The following SGTB variants were observed in gnomAD, a reference collection of about 807,000 sequenced individuals.
SGTB encodes the protein small glutamine rich tetratricopeptide repeat co-chaperone beta, also known as small glutamine-rich tetratricopeptide repeat-containing protein beta.
SGTB carries 19 observed loss-of-function variants against 43.9 expected under a neutral mutation model. That is an observed-to-expected ratio of 0.43 (90% confidence interval 0.30 to 0.63). SGTB has a LOEUF of 0.63. Among genes scored for constraint, SGTB ranks in the 30% least tolerant of loss-of-function variants. SGTB has a pLI of 0.12. For missense variants in SGTB, 304 were observed against 358.9 expected (o/e 0.85, Z 1.24); for synonymous variants, 116 against 117.3 (o/e 0.99, Z 0.07).
intron 3 of SGTB, among the ~76,000 whole-genome samples, chr5:65,710,876 A>C (rs974318371): frequency 6.6e-6 from 1 of 151,850 alleles, no homozygotes; most frequent in African/African-American, 2.4e-5. Context: ...GGTGCCTGTA[A>C]TCCCAGCTAT....
intron 4 of SGTB, among the ~76,000 whole-genome samples, chr5:65,707,124 G>A (rs182417804): frequency 4.0e-5 from 6 of 151,618 alleles, no homozygotes; most frequent in African/African-American, 7.3e-5. Flanking sequence ...TTCACCAGGC[G>A]TGGTGGCACG....
intron 8 of SGTB, among the ~76,000 whole-genome samples, chr5:65,672,577 A>G (rs757683899): frequency 1.3e-5 from 2 of 152,200 alleles, no homozygotes; most frequent in Non-Finnish European, 2.9e-5. Flanking sequence ...GAAAAATAGG[A>G]ACTTTAAAAG....
chr5:65,671,397 T>G (rs1757150956), intron 10 of SGTB, among the ~76,000 whole-genome samples: 1 of 152,106 alleles, frequency 6.6e-6, no homozygotes, highest in Non-Finnish European at 1.5e-5. Flanking sequence ...GGACCCTAAT[T>G]TCATGCTGAC....
At chr5:65,717,554 C>T in intron 2 of SGTB, among the ~76,000 whole-genome samples, 1 of 150,390 alleles carries the variant, frequency 6.6e-6, no homozygotes, top group East Asian at 1.9e-4. Flanking sequence ...GGCAGGCAGG[C>T]CGAGTATGTG....
chr5:65,670,206 C>T lies in SGTB; in HGVS notation c.*40G>A. 1 of 1,568,420 alleles carries T rather than the reference C, an allele frequency of 6.4e-7. No individual in the cohort carries two copies. The highest frequency in any genetic ancestry group is 8.8e-7 in the Non-Finnish European group (1 of 1,139,228). On this transcript the variant is annotated 3_prime_UTR_variant, in exon 11 of 11. Transcript: ENST00000381007. Reference sequence around the variant, plus strand: ...CTACAACAAATACTTCATTCATAGCCATAAACCATTTGTATCTTGGGCTTG... The same window carrying T: ...CTACAACAAATACTTCATTCATAGCTATAAACCATTTGTATCTTGGGCTTG...
chr5:65,708,134 A>G (rs904850362), intron 4 of SGTB, among the ~76,000 whole-genome samples: 6 of 152,234 alleles, frequency 3.9e-5, no homozygotes, highest in Non-Finnish European at 5.9e-5. Flanking sequence ...AAAACACTAA[A>G]CATATGAAAG....
intron 5 of SGTB, among the ~76,000 whole-genome samples, chr5:65,697,108 GGCTACTGAGATATTTATA>G (rs1175575296): frequency 2.6e-5 from 4 of 152,146 alleles, no homozygotes; most frequent in African/African-American, 9.7e-5. Flanking sequence ...CAAGATTACA[GGCTACTGAGATATTTATA>G]GCTACTAGAG....
At chr5:65,722,328 C>T, upstream of SGTB, 1 of 1,503,864 alleles carries the variant, frequency 6.6e-7, no homozygotes, top group Non-Finnish European at 8.9e-7. Flanking sequence ...CGCCGCCCCA[C>T]GCCGAAGGAC....
At chr5:65,710,407 T>C (rs16894235) in intron 3 of SGTB, among the ~76,000 whole-genome samples, 28,697 of 152,180 alleles carry the variant, frequency 0.19, 3,313 homozygotes, top group South Asian at 0.31. Context: ...AAACTAATTA[T>C]CATATTCATT....
At chr5:65,722,281 T>C, upstream of SGTB, 2 of 1,010,230 alleles carry the variant, frequency 2.0e-6, no homozygotes, top group Non-Finnish European at 2.8e-6. Context: ...CTAGGCCGGC[T>C]CGAGACTCCC....
chr5:65,672,129 T>C, intron 9 of SGTB, 115 bp downstream of exon 9: 1 of 1,574,162 alleles, frequency 6.4e-7, no homozygotes, highest in East Asian at 2.2e-5. Flanking sequence ...GGCTTTAAGC[T>C]CCAACTGACT....
intron 5 of SGTB, among the ~76,000 whole-genome samples, chr5:65,694,545 G>T (rs566013230): frequency 1.3e-5 from 2 of 151,992 alleles, no homozygotes; most frequent in African/African-American, 4.8e-5. Context: ...ACGTGACTTC[G>T]GCTCACTGCA....
chr5:65,708,294 G>A (rs564870510), intron 4 of SGTB, among the ~76,000 whole-genome samples, 195 bp downstream of exon 4: 1 of 152,244 alleles, frequency 6.6e-6, no homozygotes, highest in South Asian at 2.1e-4. Context: ...GAAGCAAGCC[G>A]TAACTGTACT....
intron 2 of SGTB, among the ~76,000 whole-genome samples, chr5:65,714,175 C>A (rs1758104532): frequency 6.6e-6 from 1 of 151,830 alleles, no homozygotes; most frequent in African/African-American, 2.4e-5. Context: ...AGAACATAGC[C>A]CCCAGCACAT....
At chr5:65,676,675 C>G (rs951991477) in intron 8 of SGTB, among the ~76,000 whole-genome samples, 1 of 152,004 alleles carries the variant, frequency 6.6e-6, no homozygotes, top group Non-Finnish European at 1.5e-5. Context: ...AACCACACAA[C>G]TACATGGAAA....
intron 5 of SGTB, among the ~76,000 whole-genome samples, chr5:65,690,765 TA>T (rs1217650238): frequency 2.0e-5 from 3 of 152,160 alleles, no homozygotes; most frequent in African/African-American, 7.2e-5. Context: ...TCTCATCCTA[TA>T]GGGGATGGGT....
chr5:65,720,713 A>G lies in SGTB; in HGVS notation c.95T>C (p.Leu32Ser). ...CACAAAGAGCAGATGCATACCTTCC[A>G]AACTTTCTTGTTCATCCGAGGTGTA... The part of the protein sequence containing the change: ...DTYTSDEQES[L>S]EVAIQCLETV... Residue 32 changes from leucine to serine, a missense_variant, in exon 2 of 11, where the codon TTG (leucine) becomes TCG (serine). Physicochemically the swap from Leu to Ser is moderately radical, Grantham distance 145. Transcript: ENST00000381007. 6.2e-7 allele frequency: 1 copy of G among 1,612,932 alleles called. No homozygotes were observed. The highest frequency in any genetic ancestry group is 8.5e-7 in the Non-Finnish European group (1 of 1,179,738).
At chr5:65,695,714 T>G (rs958845388) in intron 5 of SGTB, among the ~76,000 whole-genome samples, 1 of 152,222 alleles carries the variant, frequency 6.6e-6, no homozygotes, top group African/African-American at 2.4e-5. Context: ...TACTTCACAT[T>G]TCTCACATCA....
chr5:65,679,225 C>T (rs1013605216), intron 8 of SGTB, among the ~76,000 whole-genome samples: 1 of 152,124 alleles, frequency 6.6e-6, no homozygotes. Flanking sequence ...ATGTGGCCAA[C>T]AAACATATGA....
Sources: allele counts gnomAD v4.1 joint callset (sites outside exome capture counted in the v4.1 genomes callset), GRCh38; gene constraint gnomAD v4.1.1; transcripts MANE v1.5; gene names NCBI Gene and HGNC (gene_info 2026-07-23, HGNC 2026-07-21).